The following BRINP2 variants were observed in gnomAD, a reference collection of about 807,000 sequenced individuals.
The protein encoded by BRINP2 is BMP/retinoic acid-inducible neural-specific protein 2.
In BRINP2, 21 loss-of-function variants were observed where a neutral mutation model predicts 69.2. That is an observed-to-expected ratio of 0.30 (90% confidence interval 0.22 to 0.44). The LOEUF is 0.44. Among genes scored for constraint, BRINP2 ranks in the 20% least tolerant of loss-of-function variants. The pLI, the probability that BRINP2 is intolerant of heterozygous loss-of-function variation, is 1.00. For missense variants in BRINP2, 877 were observed against 986.0 expected, an observed-to-expected ratio of 0.89 and a Z score of 1.48; for synonymous variants, 380 against 394.1, an observed-to-expected ratio of 0.96 and a Z score of 0.42.
intron 2 of BRINP2, among the ~76,000 whole-genome samples, chr1:177,239,425 C>T: frequency 6.6e-6 from 1 of 152,208 alleles, no homozygotes; most frequent in East Asian, 1.9e-4. Flanking sequence ...TGGAGGAACA[C>T]TTACTGCCAT....
intron 1 of BRINP2, among the ~76,000 whole-genome samples, chr1:177,215,750 T>A (rs1380259813): frequency 6.6e-6 from 1 of 152,060 alleles, no homozygotes; most frequent in East Asian, 1.9e-4. Context: ...CTGGCAAGAG[T>A]GGGCATCCTT....
intron 1 of BRINP2, among the ~76,000 whole-genome samples, chr1:177,182,609 A>G (rs1648294196): frequency 6.6e-6 from 1 of 152,184 alleles, no homozygotes; most frequent in South Asian, 2.1e-4. Flanking sequence ...CTTAATGAAG[A>G]AAAGAAACCT....
intron 2 of BRINP2, among the ~76,000 whole-genome samples, chr1:177,231,203 A>G (rs1649853624): frequency 6.6e-6 from 1 of 152,154 alleles, no homozygotes; most frequent in African/African-American, 2.4e-5. Flanking sequence ...TTGGAAAAAC[A>G]GTTGTTTTCC....
At chr1:177,261,302 C>G (rs1650940048) in intron 4 of BRINP2, among the ~76,000 whole-genome samples, 1 of 152,118 alleles carries the variant, frequency 6.6e-6, no homozygotes, top group Non-Finnish European at 1.5e-5. Context: ...GTGGCTATTG[C>G]AGTGGTAAAG....
intron 1 of BRINP2, among the ~76,000 whole-genome samples, chr1:177,195,514 C>A (rs1422464371): frequency 6.7e-6 from 1 of 150,366 alleles, no homozygotes; most frequent in East Asian, 1.9e-4. Flanking sequence ...CCGCTCTCAA[C>A]CTCAAATCAC....
In BRINP2 at chr1:177,254,051, G is replaced by T. The variant is rs761280217; in HGVS notation, c.270-1868G>T. On this transcript the variant is annotated intron_variant, in intron 2 of 7. Transcript: ENST00000361539. ...ATGGAAAACTCATTTTTTATTAATG[G>T]ATATGATTCTTTAAATTTCATCCCA... Among the ~76,000 whole-genome samples, 11 of 152,030 alleles carry T rather than the reference G, an allele frequency of 7.2e-5. 1 individual carries two copies. The South Asian group carries it at 2.3e-3, about 32-fold the overall frequency.
At chr1:177,269,919 TC>T (rs527722528) in intron 4 of BRINP2, among the ~76,000 whole-genome samples, 335 of 152,314 alleles carry the variant, frequency 2.2e-3, no homozygotes, top group African/African-American at 7.8e-3. Flanking sequence ...TCTGAGGCAT[TC>T]TTTGAACAGT....
At chr1:177,182,995 T>C (rs1402647778) in intron 1 of BRINP2, among the ~76,000 whole-genome samples, 1 of 151,734 alleles carries the variant, frequency 6.6e-6, no homozygotes. Flanking sequence ...TTTTTTGCCC[T>C]GTCTCAAACT....
At chr1:177,189,685 A>C (rs1322549853) in intron 1 of BRINP2, among the ~76,000 whole-genome samples, 1 of 152,164 alleles carries the variant, frequency 6.6e-6, no homozygotes, top group Non-Finnish European at 1.5e-5. Flanking sequence ...AACATTGATA[A>C]TTACTTTAAA....
At chr1:177,200,320 A>AAAAAAAAAAAAAG (rs1648871272) in intron 1 of BRINP2, among the ~76,000 whole-genome samples, 1 of 146,528 alleles carries the variant, frequency 6.8e-6, no homozygotes, top group Non-Finnish European at 1.5e-5. Flanking sequence ...AAAAAAAAAA[A>AAAAAAAAAAAAAG]AAGAATGCAT....
At chr1:177,272,875 T>G (rs1266725057) in intron 4 of BRINP2, among the ~76,000 whole-genome samples, 1 of 152,248 alleles carries the variant, frequency 6.6e-6, no homozygotes, top group Non-Finnish European at 1.5e-5. Flanking sequence ...TATAATATTT[T>G]TAAATGACTC....
Position 177,281,348 on chromosome 1 carries a change from G to C in BRINP2, c.2172G>C (p.Arg724Ser). The change falls in exon 8 of 8, where the codon AGG becomes AGC. Residue 724 changes from arginine (R) to serine (S), a missense_variant. Transcript: ENST00000361539. ...CACTCTTGCAGCTCATTGAGCTCAG[G>C]GACCGGGTGAACCAGCTTTCTCCAC... ...DSALLQLIEL[R>S]DRVNQLSPPG... The C allele has an allele frequency of 6.2e-7, 1 of 1,614,156 alleles. No individual in the cohort carries two copies. The highest frequency in any genetic ancestry group is 8.5e-7 in the Non-Finnish European group (1 of 1,180,040).
intron 6 of BRINP2, among the ~76,000 whole-genome samples, chr1:177,277,660 C>G (rs773683630): frequency 2.6e-5 from 4 of 151,950 alleles, no homozygotes; most frequent in African/African-American, 9.7e-5. Flanking sequence ...ACAAGGCATT[C>G]GGTAGCGAAG....
At chr1:177,207,439 G>T (rs147638166) in intron 1 of BRINP2, among the ~76,000 whole-genome samples, 19 of 152,172 alleles carry the variant, frequency 1.2e-4, no homozygotes, top group Admixed American at 7.2e-4. Flanking sequence ...GCCATGTAAG[G>T]GCGGGCATGT....
At chr1:177,193,541 C>T (rs1445704491) in intron 1 of BRINP2, among the ~76,000 whole-genome samples, 1 of 152,168 alleles carries the variant, frequency 6.6e-6, no homozygotes, top group East Asian at 1.9e-4. Context: ...TTTCAGGAAC[C>T]ATATAATTGA....
intron 4 of BRINP2, among the ~76,000 whole-genome samples, chr1:177,258,899 A>T (rs545517459): frequency 1.1e-4 from 17 of 152,284 alleles, no homozygotes; most frequent in Non-Finnish European, 5.9e-5. Context: ...AGGCCTCCCT[A>T]TTCCCTGAGA....
At chr1:177,194,789 G>A (rs1430012329) in intron 1 of BRINP2, among the ~76,000 whole-genome samples, 1 of 152,100 alleles carries the variant, frequency 6.6e-6, no homozygotes, top group Non-Finnish European at 1.5e-5. Context: ...GTGTGTGTGT[G>A]TGCACATGAG....
chr1:177,186,143 A>G (rs1196955057), intron 1 of BRINP2, among the ~76,000 whole-genome samples: 1 of 152,114 alleles, frequency 6.6e-6, no homozygotes, highest in Non-Finnish European at 1.5e-5. Flanking sequence ...CCCGCTGACA[A>G]CTTGATATGG....
At chr1:177,192,740 C>T (rs1211637522) in intron 1 of BRINP2, among the ~76,000 whole-genome samples, 3 of 152,026 alleles carry the variant, frequency 2.0e-5, no homozygotes, top group South Asian at 2.1e-4. Flanking sequence ...CTTATTTTAC[C>T]CAACCCTTTC....
Sources: gnomAD v4.1 joint callset for allele counts (sites outside exome capture counted in the v4.1 genomes callset) on GRCh38, gnomAD v4.1.1 for gene constraint, MANE v1.5 for transcripts, NCBI Gene and HGNC (gene_info 2026-07-23, HGNC 2026-07-21) for gene names.